The following DACH2 variants were observed in gnomAD, a reference collection of about 807,000 sequenced individuals.
DACH2 encodes dachshund family transcription factor 2, also known as dachshund homolog 2.
Under a neutral mutation model 35.8 loss-of-function variants are expected in DACH2, and 17 were observed. The ratio of observed to expected loss-of-function variants is 0.48; its 90% CI spans 0.33 to 0.71. The LOEUF is 0.71. Among genes scored for constraint, DACH2 ranks in the 30% least tolerant of loss-of-function variants. The pLI is 0.02. For synonymous variants in DACH2, 195 were observed against 177.3 expected (o/e 1.10, Z -0.79); for missense variants, 469 against 472.7 (o/e 0.99, Z 0.07).
chrX:86,627,258 T>C (rs1440082570), intron 3 of DACH2, among the ~76,000 whole-genome samples: 2 of 111,866 alleles, frequency 1.8e-5, no homozygotes, highest in African/African-American at 6.5e-5. Flanking sequence ...ATACTGCCAG[T>C]TTCTTTGCTA....
At chrX:86,164,261 T>C (rs2030866314) in intron 1 of DACH2, among the ~76,000 whole-genome samples, 1 of 111,477 alleles carries the variant, frequency 9.0e-6, no homozygotes, top group Non-Finnish European at 1.9e-5. Context: ...TCAGGTCCTT[T>C]GCTCAGTTTT....
intron 1 of DACH2, among the ~76,000 whole-genome samples, chrX:86,331,145 C>T (rs776522806): frequency 1.3e-4 from 14 of 111,499 alleles, no homozygotes; most frequent in Admixed American, 1.9e-4. Flanking sequence ...TACCCACTCA[C>T]CATGGAGTTT....
chrX:86,805,554 T>C (rs1430231649), intron 7 of DACH2, among the ~76,000 whole-genome samples: 3 of 108,658 alleles, frequency 2.8e-5, no homozygotes, highest in Non-Finnish European at 3.8e-5. Flanking sequence ...CACCAGAAAA[T>C]GGGCTTTTTT....
At chrX:86,485,634 T>C (rs902987840) in intron 2 of DACH2, among the ~76,000 whole-genome samples, 3 of 111,821 alleles carry the variant, frequency 2.7e-5, no homozygotes, top group Non-Finnish European at 3.8e-5. Flanking sequence ...CATAAATATG[T>C]ACAATTACTA....
chrX:86,540,999 T>A lies in DACH2; in HGVS notation c.640+26608T>A, dbSNP rs5923555. ...CTTATGAGCTGAGGGACAGAAATAT[T>A]CATTACCAAATGCTTACCTGTGAAA... On this transcript the variant is annotated intron_variant, in intron 3 of 11. Coordinates refer to ENST00000373125, the MANE Select transcript of DACH2 (RefSeq NM_053281.3). Among the ~76,000 whole-genome samples the A allele has an allele frequency of 9.0e-5, 10 of 110,521 alleles. No homozygotes were observed. In the South Asian group the frequency reaches 3.4e-3, roughly 38 times the overall value.
At chrX:86,464,536 G>A (rs2037631897) in intron 2 of DACH2, among the ~76,000 whole-genome samples, 1 of 110,613 alleles carries the variant, frequency 9.0e-6, no homozygotes, top group African/African-American at 3.3e-5. Flanking sequence ...TGGGTCAAGG[G>A]GAGGAAAAGC....
chrX:86,202,008 T>G (rs1468204576), intron 1 of DACH2, among the ~76,000 whole-genome samples: 1 of 111,561 alleles, frequency 9.0e-6, no homozygotes, highest in Non-Finnish European at 1.9e-5. Context: ...GTAAAAAACG[T>G]GAAAATTTGT....
At chrX:86,742,114 T>A (rs1482778497) in intron 7 of DACH2, among the ~76,000 whole-genome samples, 1 of 111,049 alleles carries the variant, frequency 9.0e-6, no homozygotes, top group African/African-American at 3.3e-5. Context: ...TATTTCTAAT[T>A]ACACTGGCAG....
At chrX:86,701,159 C>G (rs2041137821) in intron 5 of DACH2, among the ~76,000 whole-genome samples, 1 of 111,325 alleles carries the variant, frequency 9.0e-6, no homozygotes, top group South Asian at 3.8e-4. Context: ...AAAGCTAATC[C>G]ACCATGATCA....
intron 7 of DACH2, among the ~76,000 whole-genome samples, chrX:86,740,979 T>C (rs767512205): frequency 9.0e-6 from 1 of 111,586 alleles, no homozygotes; most frequent in East Asian, 2.8e-4. Flanking sequence ...TAATTACCGA[T>C]CAATTGAGCT....
At chrX:86,415,329 G>T (rs1427857654) in intron 2 of DACH2, among the ~76,000 whole-genome samples, 1 of 111,839 alleles carries the variant, frequency 8.9e-6, no homozygotes, top group African/African-American at 3.2e-5. Flanking sequence ...CATTGTTTTT[G>T]TGGTGTGCAT....
chrX:86,398,600 C>T (rs1049043373), intron 2 of DACH2, among the ~76,000 whole-genome samples: 15 of 111,747 alleles, frequency 1.3e-4, no homozygotes, highest in Non-Finnish European at 2.8e-4. Flanking sequence ...TCTTTGTTCT[C>T]GTTAGTTTCA....
chrX:86,784,190 C>T (rs912457824), intron 7 of DACH2, among the ~76,000 whole-genome samples: 3 of 108,749 alleles, frequency 2.8e-5, no homozygotes, highest in Non-Finnish European at 5.7e-5. Flanking sequence ...AAACAGACAG[C>T]CTACATAATG....
chrX:86,379,686 C>T (rs898116523), intron 2 of DACH2, among the ~76,000 whole-genome samples: 1 of 110,765 alleles, frequency 9.0e-6, no homozygotes, highest in African/African-American at 3.3e-5. Flanking sequence ...GGCATTATCT[C>T]AAATCCTAAA....
intron 1 of DACH2, among the ~76,000 whole-genome samples, chrX:86,176,489 T>G (rs1427535010): frequency 9.0e-6 from 1 of 111,214 alleles, no homozygotes; most frequent in Non-Finnish European, 1.9e-5. Flanking sequence ...TGTGCATTGT[T>G]TATTGAAGTT....
chrX:86,714,618 C>T lies in DACH2; in HGVS notation c.1002C>T (p.Ala334=), dbSNP rs1325144696. The T allele has an allele frequency of 1.7e-6, 2 of 1,207,343 alleles. No homozygotes were observed. Among genetic ancestry groups the T allele is most frequent in the Non-Finnish European group, 2.2e-6 (2 of 893,191 alleles). The change falls in exon 6 of 12, where the codon GCC becomes GCT. Residue 334 remains alanine (A), a synonymous_variant. Coordinates refer to ENST00000373125, the MANE Select transcript of DACH2 (RefSeq NM_053281.3). ...LPVSLPPASV[A]MAMNQMNHLN... ...TCAGCTTACCTCCTGCATCAGTTGC[C>T]ATGGCAATGAATCAGATGAACCATC...
At chrX:86,547,557 A>G (rs2038993253) in intron 3 of DACH2, among the ~76,000 whole-genome samples, 1 of 109,496 alleles carries the variant, frequency 9.1e-6, no homozygotes, top group South Asian at 3.9e-4. Flanking sequence ...ACACACACAC[A>G]CACACACACA....
chrX:86,790,873 A>G (rs1323581874), intron 7 of DACH2, among the ~76,000 whole-genome samples: 3 of 111,831 alleles, frequency 2.7e-5, no homozygotes, highest in African/African-American at 9.7e-5. Flanking sequence ...CCAAAAACTT[A>G]AAACTACTGA....
chrX:86,667,537 G>GAAA (rs1379112358), intron 4 of DACH2, among the ~76,000 whole-genome samples: 1 of 51,140 alleles, frequency 2.0e-5, no homozygotes, highest in Non-Finnish European at 3.3e-5. Flanking sequence ...AAGAAAGAAA[G>GAAA]AAAGAAAGAA....
Sources: allele counts gnomAD v4.1 joint callset (sites outside exome capture counted in the v4.1 genomes callset), GRCh38; gene constraint gnomAD v4.1.1; transcripts MANE v1.5; gene names NCBI Gene and HGNC (gene_info 2026-07-23, HGNC 2026-07-21).